HJURP: variants seen among roughly 807,000 people sequenced by gnomAD.
The protein encoded by HJURP is 14-3-3-associated AKT substrate.
Under a neutral mutation model 72.0 loss-of-function variants are expected in HJURP, and 49 were observed. That is an observed-to-expected ratio of 0.68 (90% CI 0.54 to 0.86). The LOEUF is 0.86. Ranked by LOEUF, HJURP falls within the 40% of genes least tolerant of loss-of-function variation. The probability of loss-of-function intolerance (pLI) is 0.00; values close to 1 mark genes in which losing one functional copy is unlikely to be tolerated. For missense variants in HJURP, 908 were observed against 936.3 expected (o/e 0.97, Z 0.39); for synonymous variants, 357 against 347.1 (o/e 1.03, Z -0.32).
chr2:233,838,428 G>A (rs575319983), intron 8 of HJURP, among the ~76,000 whole-genome samples: 5 of 152,150 alleles, frequency 3.3e-5, no homozygotes, highest in Non-Finnish European at 7.4e-5. Flanking sequence ...GAAAAAGCAA[G>A]GCAGGAGCCT....
chr2:233,850,456 G>A (rs555745286), intron 3 of HJURP, among the ~76,000 whole-genome samples: 7 of 152,292 alleles, frequency 4.6e-5, no homozygotes, highest in South Asian at 2.1e-4. Flanking sequence ...CAGGCCCCAC[G>A]AATAATCCCA....
At chr2:233,852,188 C>T (rs1705510904) in intron 3 of HJURP, among the ~76,000 whole-genome samples, 1 of 152,180 alleles carries the variant, frequency 6.6e-6, no homozygotes, top group South Asian at 2.1e-4. Flanking sequence ...ATTCTTCTTC[C>T]CTAGAAGGAA....
At position 233,840,954 on chromosome 2, in the gene HJURP, G is replaced by A; in HGVS notation, c.1826C>T (p.Thr609Ile). Reference protein sequence around the residue: ...MTVPLCIGVSTDKASMEVRYQ... With the variant: ...MTVPLCIGVSIDKASMEVRYQ... ...TCGAACTTCCATACTTGCTTTATCT[G>A]TAGACACTCCAATACATAAAGGCAC... Residue 609 changes from threonine to isoleucine, a missense_variant, in exon 8 of 9, where the codon ACA becomes ATA. Transcript: ENST00000411486. The A allele has an allele frequency of 6.2e-7, 1 of 1,614,134 alleles. No individual in the cohort carries two copies. Among genetic ancestry groups the A allele is most frequent in the Non-Finnish European group, 8.5e-7 (1 of 1,180,012 alleles).
rs1705527086 is a variant in HJURP at position 233,852,740 on chromosome 2, C to A, written c.185-120G>T. The A allele has an allele frequency of 2.5e-5, 17 of 693,416 alleles. No homozygotes were observed. In the East Asian group the frequency reaches 3.4e-4, roughly 14 times the overall value. 43.0% of individuals were successfully genotyped at this position (693,416 alleles called of 1,614,324 possible). A position where few individuals can be genotyped will look rare whatever the true frequency, so the allele number is the denominator to read the frequency against. On this transcript the variant is annotated intron_variant, in intron 2 of 8. Transcript: ENST00000411486. Reference sequence around the variant, plus strand: ...AAAAAGGTACAATATTAAAACCAAGCCAGGTTTCTGATACCCTGCGATTGT... The same window carrying A: ...AAAAAGGTACAATATTAAAACCAAGACAGGTTTCTGATACCCTGCGATTGT...
chr2:233,840,654 C>T lies in HJURP; in HGVS notation c.2126G>A (p.Arg709Lys). 6.2e-7 allele frequency: 1 copy of T among 1,611,030 alleles called. No individual in the cohort carries two copies. Among genetic ancestry groups the T allele is most frequent in the South Asian group, 1.1e-5 (1 of 90,510 alleles). The change falls in exon 8 of 9, where the codon AGA (arginine) becomes AAA (lysine). Residue 709 changes from arginine to lysine, a missense_variant. By Grantham distance (26) the Arg-to-Lys change is conservative (BLOSUM62 2). Transcript: ENST00000411486. ...TGAAGAGCTGCCCTGGTCTCCCGGT[C>T]TGACGGTGTTGTCCACCCCATCTGA... is the stretch of plus-strand genomic sequence containing the variant. The part of the protein sequence containing the change: ...GASDGVDNTV[R>K]PGDQGSSSQP...
At position 233,840,772 on chromosome 2, in the gene HJURP, T is replaced by G. The variant is rs778908748; in HGVS notation, c.2008A>C (p.Arg670=). The change falls in exon 8 of 9, where the codon AGG becomes CGG. Residue 670 remains arginine, a synonymous_variant. Coordinates refer to ENST00000411486, the MANE Select transcript of HJURP (RefSeq NM_018410.5). ...SSTCVARAIT[R]DGTRDHQFPA... is the part of the protein sequence containing the mutation. The stretch of plus-strand genomic sequence containing the variant: ...AACTGATGGTCCCTCGTGCCATCCC[T>G]CGTGATGGCACGAGCAACACATGTA... 158 of 1,613,154 alleles carry G rather than the reference T, an allele frequency of 9.8e-5. No individual in the cohort carries two copies. Among genetic ancestry groups the G allele is most frequent in the Non-Finnish European group, 1.3e-4 (151 of 1,179,502 alleles).
chr2:233,843,641 G>A (rs903109286), intron 7 of HJURP, among the ~76,000 whole-genome samples: 4 of 152,116 alleles, frequency 2.6e-5, no homozygotes, highest in Non-Finnish European at 1.5e-5. Context: ...GAGACTAAAC[G>A]CAACGGTGGT....
At position 233,842,017 on chromosome 2, in the gene HJURP, T is replaced by C; in HGVS notation, c.763A>G (p.Ile255Val). 2 of 1,614,206 alleles carry C rather than the reference T, an allele frequency of 1.2e-6. No homozygotes were observed. Among genetic ancestry groups the C allele is most frequent in the Non-Finnish European group, 1.7e-6 (2 of 1,180,034 alleles). ...AGGTCACTGATGGTCACATTGCAAA[T>C]GTCATCATCTTCAAAGGGCTGGCTG... ...LSSQPFEDDD[I>V]CNVTISDLYA... Residue 255 changes from isoleucine to valine, a missense_variant, in exon 8 of 9, where the codon ATT becomes GTT. Ile to Val is a conservative substitution (Grantham distance 29, BLOSUM62 3). Coordinates refer to ENST00000411486, the MANE Select transcript of HJURP (RefSeq NM_018410.5).
intron 1 of HJURP, 30 bp from the exon 2 acceptor site, chr2:233,853,940 G>T: frequency 6.2e-7 from 1 of 1,606,430 alleles, no homozygotes; most frequent in Non-Finnish European, 8.5e-7. Context: ...TTCCTGTCAG[G>T]TTCCAGGGCC....
Position 233,854,472 on chromosome 2 carries a change from C to A in HJURP, c.29G>T (p.Gly10Val), listed in dbSNP as rs763650317. Residue 10 changes from glycine to valine, a missense_variant, in exon 1 of 9, where the codon GGC (glycine) becomes GTC (valine). Transcript: ENST00000411486. ...CAGCTGGTCGTCTTCCACGTCCTCG[C>A]CCTCCATGGCGCGCAGCGTACCCAG... MLGTLRAMEGEDVEDDQLLQ... is the reference protein window; with the variant it reads MLGTLRAMEVEDVEDDQLLQ... The A allele has an allele frequency of 6.2e-7, 1 of 1,612,634 alleles. No homozygotes were observed. The highest frequency in any genetic ancestry group is 1.1e-5 in the South Asian group (1 of 90,966).
intron 4 of HJURP, among the ~76,000 whole-genome samples, chr2:233,848,343 C>G (rs189399049): frequency 6.6e-6 from 1 of 152,312 alleles, no homozygotes; most frequent in East Asian, 1.9e-4. Context: ...AGCAAGGAGG[C>G]CATGCGGTCA....
chr2:233,839,038 C>G (rs1705152806), intron 8 of HJURP, among the ~76,000 whole-genome samples: 1 of 152,266 alleles, frequency 6.6e-6, no homozygotes, highest in Non-Finnish European at 1.5e-5. Flanking sequence ...AGAGAAAAAC[C>G]TTTCCCATCA....
At chr2:233,848,032 A>C (rs1705410438) in intron 4 of HJURP, among the ~76,000 whole-genome samples, 1 of 152,194 alleles carries the variant, frequency 6.6e-6, no homozygotes, top group South Asian at 2.1e-4. Context: ...GATTAATAGC[A>C]GTAAACACAT....
At chr2:233,847,265 A>T in intron 5 of HJURP, 132 bp downstream of exon 5, 1 of 699,414 alleles carries the variant, frequency 1.4e-6, no homozygotes, top group Non-Finnish European at 2.6e-6. Context: ...GGAAGTAGCA[A>T]AAGCCAGCCT....
At chr2:233,844,022 A>G (rs1450901700) in intron 7 of HJURP, among the ~76,000 whole-genome samples, 183 bp downstream of exon 7, 4 of 152,212 alleles carry the variant, frequency 2.6e-5, no homozygotes, top group Non-Finnish European at 4.4e-5. Context: ...GGAGGAGAAA[A>G]CAGCTCATTT....
At chr2:233,844,915 C>T (rs1705320265) in intron 6 of HJURP, among the ~76,000 whole-genome samples, 1 of 152,178 alleles carries the variant, frequency 6.6e-6, no homozygotes, top group African/African-American at 2.4e-5. Flanking sequence ...AGGGCACTGA[C>T]CTTAAGAGAG....
intron 2 of HJURP, among the ~76,000 whole-genome samples, 157 bp downstream of exon 2, chr2:233,853,687 A>G (rs1705548849): frequency 6.6e-6 from 1 of 152,258 alleles, no homozygotes; most frequent in Admixed American, 6.5e-5. Flanking sequence ...TTGTTCTAAT[A>G]AGTAATTCAA....
At chr2:233,854,300 C>G (rs34087988) in intron 1 of HJURP, 84 bp downstream of exon 1, 25,011 of 922,598 alleles carry the variant, frequency 0.027, 497 homozygotes, top group Non-Finnish European at 0.034. Flanking sequence ...TCCTCAGAGC[C>G]CCTTCCCTTC....
At chr2:233,853,978 C>T in intron 1 of HJURP, 68 bp from the exon 2 acceptor site, 1 of 1,425,564 alleles carries the variant, frequency 7.0e-7, no homozygotes, top group Non-Finnish European at 9.8e-7. Context: ...CGGGAGGAGG[C>T]GGCGCCAGCC....
Sources: gnomAD v4.1 joint callset for allele counts (sites outside exome capture counted in the v4.1 genomes callset) on GRCh38, gnomAD v4.1.1 for gene constraint, MANE v1.5 for transcripts, NCBI Gene and HGNC (gene_info 2026-07-23, HGNC 2026-07-21) for gene names.